The following HMGN5 variants were observed in gnomAD, a reference collection of about 807,000 sequenced individuals.
The protein encoded by HMGN5 is high mobility group nucleosome-binding domain-containing protein 5.
Under a neutral mutation model 9.5 loss-of-function variants are expected in HMGN5, and 4 were observed. That is an observed-to-expected ratio of 0.42 (90% CI 0.21 to 0.96). The LOEUF is 0.96. Ranked by LOEUF, HMGN5 falls within the 40% of genes least tolerant of loss-of-function variation. The pLI is 0.30. For missense variants in HMGN5, 192 were observed against 187.5 expected (o/e 1.02, Z -0.14); for synonymous variants, 55 against 57.1 (o/e 0.96, Z 0.16).
intron 1 of HMGN5, among the ~76,000 whole-genome samples, chrX:81,188,398 G>T (rs1380575170): frequency 1.8e-5 from 2 of 108,812 alleles, no homozygotes; most frequent in Non-Finnish European, 3.8e-5. Context: ...CAAATTGCTG[G>T]GATTACAAGC....
chrX:81,143,504 A>T (rs754090723), intron 1 of HMGN5, among the ~76,000 whole-genome samples: 1 of 112,119 alleles, frequency 8.9e-6, no homozygotes, highest in Non-Finnish European at 1.9e-5. Context: ...TGGACAGTGA[A>T]TGCAGCCCAT....
chrX:81,122,188 T>C (rs962772386), intron 1 of HMGN5, among the ~76,000 whole-genome samples: 4 of 111,737 alleles, frequency 3.6e-5, no homozygotes, highest in African/African-American at 1.3e-4. Flanking sequence ...GGGAACATCC[T>C]GCCAAAGCAG....
chrX:81,157,860 A>C (rs1260643607), intron 1 of HMGN5, among the ~76,000 whole-genome samples: 1 of 110,307 alleles, frequency 9.1e-6, no homozygotes, highest in Non-Finnish European at 1.9e-5. Flanking sequence ...GCTCACTGCA[A>C]GCTCTGCCTC....
intron 5 of HMGN5, 85 bp downstream of exon 5, chrX:81,118,347 T>C: frequency 1.9e-6 from 1 of 527,359 alleles, no homozygotes; most frequent in South Asian, 3.5e-5. Flanking sequence ...ATAAGCAAAG[T>C]AAAATGATCA....
chrX:81,121,804 C>A, intron 1 of HMGN5, 132 bp from the exon 2 acceptor site: 1 of 302,055 alleles, frequency 3.3e-6, no homozygotes, highest in Non-Finnish European at 5.8e-6. Flanking sequence ...GAAGAGGCAG[C>A]CGGCTTTGAG....
intron 1 of HMGN5, among the ~76,000 whole-genome samples, chrX:81,146,982 G>C (rs912153638): frequency 6.3e-5 from 7 of 111,650 alleles, no homozygotes; most frequent in Non-Finnish European, 1.1e-4. Context: ...CCAATAACAA[G>C]CTCAGAAATT....
chrX:81,134,130 A>G (rs1602560945), intron 1 of HMGN5, among the ~76,000 whole-genome samples: 1 of 111,572 alleles, frequency 9.0e-6, no homozygotes, highest in Non-Finnish European at 1.9e-5. Context: ...GGTTATGAAT[A>G]TTACAAAACT....
At chrX:81,159,609 T>C (rs908130262) in intron 1 of HMGN5, among the ~76,000 whole-genome samples, 3 of 110,793 alleles carry the variant, frequency 2.7e-5, no homozygotes, top group African/African-American at 9.9e-5. Flanking sequence ...AGAATTCAAA[T>C]GGTAGTTAAG....
At chrX:81,190,344 T>C (rs2075490642) in intron 1 of HMGN5, among the ~76,000 whole-genome samples, 1 of 111,183 alleles carries the variant, frequency 9.0e-6, no homozygotes, top group Non-Finnish European at 1.9e-5. Context: ...TTTATTCCTT[T>C]AAAGGGTACA....
chrX:81,154,494 C>G (rs938923242), intron 1 of HMGN5, among the ~76,000 whole-genome samples: 1 of 111,207 alleles, frequency 9.0e-6, no homozygotes, highest in Admixed American at 9.6e-5. Flanking sequence ...GCACAGGCAA[C>G]CAAAACAAAC....
intron 1 of HMGN5, among the ~76,000 whole-genome samples, chrX:81,125,601 A>AT (rs1440027501): frequency 8.9e-6 from 1 of 111,930 alleles, no homozygotes; most frequent in Non-Finnish European, 1.9e-5. Flanking sequence ...CAGATAGATT[A>AT]TTTTTCCAGT....
intron 1 of HMGN5, among the ~76,000 whole-genome samples, chrX:81,175,566 C>A (rs1343392793): frequency 2.7e-5 from 3 of 111,032 alleles, no homozygotes; most frequent in Non-Finnish European, 5.7e-5. Flanking sequence ...TCTTCAGGAT[C>A]ACTTAAATAT....
At chrX:81,115,392 A>G (rs1472781631) in intron 6 of HMGN5, among the ~76,000 whole-genome samples, 162 bp from the exon 7 acceptor site, 6 of 112,353 alleles carry the variant, frequency 5.3e-5, no homozygotes, top group Non-Finnish European at 1.1e-4. Context: ...TCACATTATG[A>G]GAAAACATTC....
Position 81,195,969 on chromosome X carries a change from C to G in HMGN5, c.-124+5768G>C, listed in dbSNP as rs73634722. Among the ~76,000 whole-genome samples the G allele has an allele frequency of 4.7e-3, 523 of 111,293 alleles. 3 individuals are homozygous for G. Among genetic ancestry groups the G allele is most frequent in the African/African-American group, 0.016 (487 of 30,574 alleles). On this transcript the variant is annotated intron_variant, in intron 1 of 6. Transcript: ENST00000358130. ...GATCAGACCTCTGAACACAATACTT[C>G]AGGACTCCCTCTGGTAAGGAGTCAA...
chrX:81,167,916 T>A (rs750366810), intron 1 of HMGN5, among the ~76,000 whole-genome samples: 3 of 111,937 alleles, frequency 2.7e-5, no homozygotes, highest in Non-Finnish European at 5.6e-5. Context: ...AATGAAGACA[T>A]TAAATACACT....
intron 1 of HMGN5, among the ~76,000 whole-genome samples, chrX:81,186,206 G>T (rs561094877): frequency 3.2e-4 from 36 of 111,604 alleles, no homozygotes; most frequent in Middle Eastern, 9.3e-3. Flanking sequence ...TTCTTTATAT[G>T]TTTGGTGGAA....
chrX:81,144,614 G>A lies in HMGN5; in HGVS notation c.-123-22942C>T, dbSNP rs11796193. ...TCCTCCTCCAAAGGCACAACGTTTTGCCAGTAAGAGAACAAAACTGGATGG... is the reference window on the plus strand; with the variant it reads ...TCCTCCTCCAAAGGCACAACGTTTTACCAGTAAGAGAACAAAACTGGATGG... On this transcript the variant is annotated intron_variant, in intron 1 of 6. Transcript: ENST00000358130. Among the ~76,000 whole-genome samples, 825 of 111,583 alleles carry A rather than the reference G, an allele frequency of 7.4e-3. 6 individuals carry two copies. The highest frequency in any genetic ancestry group is 0.012 in the Non-Finnish European group (653 of 53,082).
chrX:81,138,560 T>G (rs1241629990), intron 1 of HMGN5, among the ~76,000 whole-genome samples: 1 of 111,700 alleles, frequency 9.0e-6, no homozygotes, highest in Non-Finnish European at 1.9e-5. Flanking sequence ...AAAGACTGAA[T>G]GCTTTCCCCC....
intron 1 of HMGN5, among the ~76,000 whole-genome samples, chrX:81,146,463 C>G (rs2075344001): frequency 9.0e-6 from 1 of 111,517 alleles, no homozygotes; most frequent in African/African-American, 3.3e-5. Flanking sequence ...AACAAAGGCA[C>G]AATGTACCAG....
Sources: gnomAD v4.1 joint callset for allele counts (sites outside exome capture counted in the v4.1 genomes callset) on GRCh38, gnomAD v4.1.1 for gene constraint, MANE v1.5 for transcripts, NCBI Gene and HGNC (gene_info 2026-07-23, HGNC 2026-07-21) for gene names.